NTRK3: variants seen among roughly 807,000 people sequenced by gnomAD.
The protein encoded by NTRK3 is NT-3 growth factor receptor.
A neutral mutation model predicts 91.7 loss-of-function variants in NTRK3; 24 were observed. The observed-to-expected ratio is 0.26, with a 90% confidence interval of 0.19 to 0.37. The LOEUF is 0.37. Ranked by LOEUF, NTRK3 falls within the 10% of genes least tolerant of loss-of-function variation. The probability of loss-of-function intolerance (pLI) is 1.00; values close to 1 mark genes in which losing one functional copy is unlikely to be tolerated. For missense variants in NTRK3, 880 were observed against 1,068.9 expected, an observed-to-expected ratio of 0.82 and a Z score of 2.46; for synonymous variants, 483 against 404.0, an observed-to-expected ratio of 1.20 and a Z score of -2.34.
chr15:88,184,367 A>G, intron 3 of NTRK3, 68 bp from the exon 4 acceptor site: 1 of 1,469,824 alleles, frequency 6.8e-7, no homozygotes, highest in South Asian at 1.2e-5. Flanking sequence ...TTGGAGCCAC[A>G]GAGACCTGGC....
chr15:88,230,031 G>T lies in NTRK3; in HGVS notation c.248+25875C>A, dbSNP rs1234260909. On this transcript the variant is annotated intron_variant, in intron 3 of 18. Coordinates refer to ENST00000394480, the Ensembl canonical transcript of NTRK3. Reference sequence around the variant, plus strand: ...ACTGTCATCTGTAACTTGTAGGGGTGTGAGCGTGTGCTCTGGACTCCAATC... The same window carrying T: ...ACTGTCATCTGTAACTTGTAGGGGTTTGAGCGTGTGCTCTGGACTCCAATC... 1.3e-5 allele frequency among the ~76,000 whole-genome samples: 2 copies of T among 152,226 alleles called. 1 individual carries two copies. The highest frequency in any genetic ancestry group is 4.8e-5 in the African/African-American group (2 of 41,458).
intron 13 of NTRK3, among the ~76,000 whole-genome samples, chr15:88,051,272 G>C (rs572878585): frequency 4.6e-5 from 7 of 152,248 alleles, no homozygotes; most frequent in African/African-American, 1.4e-4. Context: ...CTCCCTTGAA[G>C]CATTTCTTGA....
At chr15:88,015,317 T>A (rs1187468026) in intron 14 of NTRK3, among the ~76,000 whole-genome samples, 2 of 152,198 alleles carry the variant, frequency 1.3e-5, no homozygotes, top group African/African-American at 2.4e-5. Context: ...GCTATGCTAT[T>A]TAATACATCA....
chr15:87,999,699 G>T (rs2075962136), intron 14 of NTRK3, among the ~76,000 whole-genome samples: 1 of 152,192 alleles, frequency 6.6e-6, no homozygotes. Context: ...TTATCTTTAA[G>T]ACTACATCTT....
intron 3 of NTRK3, among the ~76,000 whole-genome samples, chr15:88,216,486 C>A (rs1026402224): frequency 1.3e-5 from 2 of 152,326 alleles, no homozygotes; most frequent in Admixed American, 6.5e-5. Flanking sequence ...ACCAGCCCAG[C>A]CACGTGCTGG....
At chr15:88,252,001 G>C (rs942503824) in intron 3 of NTRK3, among the ~76,000 whole-genome samples, 1 of 152,114 alleles carries the variant, frequency 6.6e-6, no homozygotes. Context: ...TGGGGCAGGG[G>C]GTCTTGGCTC....
At chr15:87,989,799 G>C (rs549117055) in intron 14 of NTRK3, among the ~76,000 whole-genome samples, 3 of 152,074 alleles carry the variant, frequency 2.0e-5, no homozygotes, top group African/African-American at 7.2e-5. Context: ...TAGAGATGTG[G>C]TTTCACCATG....
intron 5 of NTRK3, among the ~76,000 whole-genome samples, chr15:88,180,715 G>A (rs771542386): frequency 4.0e-5 from 6 of 150,002 alleles, no homozygotes; most frequent in Non-Finnish European, 8.9e-5. Flanking sequence ...CCAAGCCAGG[G>A]CTCGGCAATT....
At chr15:88,132,900 T>C (rs1413114300) in intron 10 of NTRK3, among the ~76,000 whole-genome samples, 1 of 152,086 alleles carries the variant, frequency 6.6e-6, no homozygotes. Context: ...TGACCTCAGG[T>C]GAGGTGCTTT....
chr15:88,147,909 C>T (rs1336467050), intron 5 of NTRK3, among the ~76,000 whole-genome samples: 4 of 152,208 alleles, frequency 2.6e-5, no homozygotes, highest in African/African-American at 9.6e-5. Context: ...CGTCTGTTCT[C>T]CTCCTAATGG....
At chr15:88,196,763 G>C (rs1262386703) in intron 3 of NTRK3, among the ~76,000 whole-genome samples, 3 of 152,044 alleles carry the variant, frequency 2.0e-5, no homozygotes, top group Non-Finnish European at 2.9e-5. Flanking sequence ...TCACCCTCTG[G>C]GAAGGCATCT....
intron 13 of NTRK3, among the ~76,000 whole-genome samples, chr15:88,118,140 G>C (rs1227491208): frequency 6.6e-6 from 1 of 152,208 alleles, no homozygotes; most frequent in African/African-American, 2.4e-5. Context: ...CTGGTTAGCA[G>C]TTGTTTTGAT....
chr15:88,127,119 CTA>C (rs763256591), intron 12 of NTRK3, 41 bp downstream of exon 12: 2 of 1,518,574 alleles, frequency 1.3e-6, no homozygotes, highest in Non-Finnish European at 1.8e-6. Flanking sequence ...CTGAAAATGA[CTA>C]TGCCAGTCAA....
chr15:87,995,203 C>T (rs1177797015), intron 14 of NTRK3, among the ~76,000 whole-genome samples: 2 of 152,174 alleles, frequency 1.3e-5, no homozygotes, highest in African/African-American at 4.8e-5. Flanking sequence ...GGTAGACACA[C>T]CCAGCCTGCA....
intron 3 of NTRK3, among the ~76,000 whole-genome samples, chr15:88,189,891 A>C (rs1329929272): frequency 6.6e-6 from 1 of 152,238 alleles, no homozygotes; most frequent in African/African-American, 2.4e-5. Flanking sequence ...TGTCATGTGG[A>C]TATGTTTAAG....
intron 14 of NTRK3, among the ~76,000 whole-genome samples, chr15:87,997,944 G>A (rs2141584814): frequency 6.6e-6 from 1 of 152,268 alleles, no homozygotes; most frequent in South Asian, 2.1e-4. Context: ...TCTGTAAAAG[G>A]GAGATAAAAC....
intron 16 of NTRK3, among the ~76,000 whole-genome samples, chr15:87,931,922 A>G (rs2068831729): frequency 6.6e-6 from 1 of 152,236 alleles, no homozygotes. Context: ...ACAGAGTTCA[A>G]TGAGATTCAA....
intron 13 of NTRK3, among the ~76,000 whole-genome samples, chr15:88,050,486 C>CGTGTGTGTGTGTGT (rs55943475): frequency 2.1e-5 from 3 of 144,262 alleles, no homozygotes; most frequent in African/African-American, 7.5e-5. Flanking sequence ...CAATATATAC[C>CGTGTGTGTGTGTGT]GTGTGTGTGT....
At chr15:87,932,778 G>A (rs1267948586) in intron 16 of NTRK3, among the ~76,000 whole-genome samples, 1 of 152,166 alleles carries the variant, frequency 6.6e-6, no homozygotes, top group Admixed American at 6.5e-5. Context: ...GAATGAGGAA[G>A]AATAGTATAG....
Sources: gnomAD v4.1 joint callset for allele counts (sites outside exome capture counted in the v4.1 genomes callset) on GRCh38, gnomAD v4.1.1 for gene constraint, MANE v1.5 for transcripts, NCBI Gene and HGNC (gene_info 2026-07-23, HGNC 2026-07-21) for gene names.